Variants in KDM2B observed in about 807,000 individuals in gnomAD.
KDM2B encodes the protein lysine-specific demethylase 2B.
In KDM2B, 26 loss-of-function variants were observed where a neutral mutation model predicts 150.0. That is an observed-to-expected ratio of 0.17 (90% confidence interval 0.13 to 0.24). The LOEUF is 0.24. KDM2B is among the 10% of genes least tolerant of loss of function. The pLI is 1.00. For missense variants in KDM2B, 1,265 were observed against 1,816.9 expected, an observed-to-expected ratio of 0.70 and a Z score of 5.52; for synonymous variants, 734 against 729.5, an observed-to-expected ratio of 1.01 and a Z score of -0.10.
At chr12:121,445,167 C>T in intron 14 of KDM2B, 108 bp downstream of exon 14, 4 of 1,326,436 alleles carry the variant, frequency 3.0e-6, no homozygotes, top group Middle Eastern at 1.9e-4. Flanking sequence ...ACTCAGGGGT[C>T]CTCCAGGAAT....
chr12:121,506,392 C>T (rs1885072484), intron 11 of KDM2B, among the ~76,000 whole-genome samples: 1 of 152,244 alleles, frequency 6.6e-6, no homozygotes, highest in South Asian at 2.1e-4. Flanking sequence ...ATGGCACCCA[C>T]GTCCCCCAGG....
chr12:121,457,531 G>C (rs1878452235), intron 12 of KDM2B, among the ~76,000 whole-genome samples: 1 of 151,906 alleles, frequency 6.6e-6, no homozygotes, highest in Admixed American at 6.6e-5. Context: ...TGAAGTGCTG[G>C]GGTTACAGGC....
intron 1 of KDM2B, among the ~76,000 whole-genome samples, chr12:121,579,149 C>T (rs1891739160): frequency 6.6e-6 from 1 of 152,278 alleles, no homozygotes; most frequent in Non-Finnish European, 1.5e-5. Flanking sequence ...TCCAGCTGCG[C>T]TCTACGCGGG....
chr12:121,431,600 A>T (rs149838611), intron 22 of KDM2B, among the ~76,000 whole-genome samples: 76 of 152,290 alleles, frequency 5.0e-4, no homozygotes, highest in African/African-American at 1.8e-3. Flanking sequence ...AAATCCCTGC[A>T]AGCCAGGAGG....
intron 7 of KDM2B, among the ~76,000 whole-genome samples, chr12:121,534,214 T>C (rs1887904974): frequency 6.6e-6 from 1 of 151,690 alleles, no homozygotes; most frequent in African/African-American, 2.4e-5. Flanking sequence ...CAGGGCGTGG[T>C]AGCAGGCACT....
Position 121,452,202 on chromosome 12 carries a change from T to C in KDM2B, c.1959+918A>G, listed in dbSNP as rs1877402804. ...GGTATGGAGTTTCAGTTTTGCAAAATGAAAAAGTTCTAGGGATCAGCTTCC... is the reference window on the plus strand; with the variant it reads ...GGTATGGAGTTTCAGTTTTGCAAAACGAAAAAGTTCTAGGGATCAGCTTCC... On this transcript the variant is annotated intron_variant, in intron 13 of 22. Coordinates refer to ENST00000377071, the MANE Select transcript of KDM2B (RefSeq NM_032590.5). This position sits in a 1 kb window ranked among gnomAD's most constrained non-coding sequence, Gnocchi z 4.4. Among the ~76,000 whole-genome samples, 1 of 152,066 alleles carries C rather than the reference T, an allele frequency of 6.6e-6. No individual in the cohort carries two copies. The highest frequency in any genetic ancestry group is 1.5e-5 in the Non-Finnish European group (1 of 68,002).
downstream of KDM2B, among the ~76,000 whole-genome samples, chr12:121,427,774 G>A (rs1872581824): frequency 6.6e-6 from 1 of 152,152 alleles, no homozygotes; most frequent in South Asian, 2.1e-4. Flanking sequence ...GGAACCCTTA[G>A]AGGAGAAACA....
chr12:121,493,651 G>GT (rs1555300329), intron 12 of KDM2B, among the ~76,000 whole-genome samples: 1 of 152,080 alleles, frequency 6.6e-6, no homozygotes, highest in Non-Finnish European at 1.5e-5. Flanking sequence ...CCTAACGGGT[G>GT]ACTTGACCTT....
intron 4 of KDM2B, among the ~76,000 whole-genome samples, chr12:121,571,903 G>A (rs1323620193): frequency 2.7e-5 from 4 of 150,860 alleles, no homozygotes; most frequent in South Asian, 2.1e-4. Flanking sequence ...CGCCCGCGTC[G>A]GCCTCCCAAA....
intron 12 of KDM2B, among the ~76,000 whole-genome samples, chr12:121,454,079 GGCT>G (rs146503551): frequency 0.026 from 3,848 of 150,220 alleles, 150 homozygotes; most frequent in East Asian, 0.079. Flanking sequence ...TCAGTTTACA[GGCT>G]GCTTTCTTCT....
At chr12:121,446,296 A>G (rs1021269481) in intron 13 of KDM2B, among the ~76,000 whole-genome samples, 101 of 152,226 alleles carry the variant, frequency 6.6e-4, no homozygotes, top group African/African-American at 2.2e-3. Context: ...TACTCGGGAG[A>G]CTGAGGCAGG....
chr12:121,447,857 A>G (rs1232779165), intron 13 of KDM2B, among the ~76,000 whole-genome samples: 3 of 151,866 alleles, frequency 2.0e-5, no homozygotes, highest in East Asian at 3.9e-4. Context: ...GGGTTTCACC[A>G]TGTTGGCCAG....
chr12:121,572,137 G>A lies in KDM2B; in HGVS notation c.397+2410C>T, dbSNP rs1891144668. Among the ~76,000 whole-genome samples the A allele has an allele frequency of 2.0e-5, 3 of 152,268 alleles. No homozygotes were observed. In the South Asian group the frequency reaches 6.2e-4, roughly 32 times the overall value. ...CGCTTAGGCCCAGGAGTTGCAGGCT[G>A]TAGTGAGTCATAATCACGCCGCTGC... is the stretch of plus-strand genomic sequence containing the variant. On this transcript the variant is annotated intron_variant, in intron 4 of 22. Transcript: ENST00000377071.
chr12:121,477,776 C>T (rs1881552340), intron 12 of KDM2B, among the ~76,000 whole-genome samples: 1 of 152,078 alleles, frequency 6.6e-6, no homozygotes, highest in Non-Finnish European at 1.5e-5. Context: ...CAAAGTTTCA[C>T]CATGTTGGCC....
chr12:121,420,333 G>C, the KDM2B span: 19 of 1,561,014 alleles, frequency 1.2e-5, no homozygotes, highest in Non-Finnish European at 1.6e-5. Context: ...GCAGAGGATC[G>C]GGTGAGGCCA....
intron 9 of KDM2B, chr12:121,516,753 G>A: frequency 1.5e-6 from 1 of 655,882 alleles, no homozygotes; most frequent in Non-Finnish European, 2.7e-6. Flanking sequence ...AGTGACCTCA[G>A]GAGATGACAA....
rs1885781319 is a variant in KDM2B, at chr12:121,513,652, T to C, written c.1048-250A>G. Among the ~76,000 whole-genome samples the C allele has an allele frequency of 2.0e-5, 3 of 151,856 alleles. No individual in the cohort carries two copies. In the South Asian group the frequency reaches 6.2e-4, roughly 32 times the overall value. On this transcript the variant is annotated intron_variant, in intron 9 of 22. Coordinates refer to ENST00000377071, the MANE Select transcript of KDM2B (RefSeq NM_032590.5). This position sits in a 1 kb window ranked among gnomAD's most constrained non-coding sequence, Gnocchi z 5.0. ...GTCCCTGAGCTGCACGCCCCAGAGGTTGGATGGGGGCCACTTGATGCTCCC... is the reference window on the plus strand; with the variant it reads ...GTCCCTGAGCTGCACGCCCCAGAGGCTGGATGGGGGCCACTTGATGCTCCC...
rs1874708541 is a variant in KDM2B, at chr12:121,440,035, C to G, written c.3651G>C (p.Glu1217Asp). 4 of 1,613,048 alleles carry G rather than the reference C, an allele frequency of 2.5e-6. No homozygotes were observed. Among genetic ancestry groups the G allele is most frequent in the African/African-American group, 1.3e-5 (1 of 75,062 alleles). The stretch of plus-strand genomic sequence containing the variant: ...TGATGTCCAGGCCTGCCAGGCGCAG[C>G]TCCACGATGTTCCGGAGCTTGCTCC... ...DNRSKLRNIV[E>D]LRLAGLDITD... Residue 1217 changes from glutamate to aspartate, a missense_variant, in exon 22 of 23, where the codon GAG becomes GAC. This residue lies in a region of KDM2B where 251 missense variants were observed against 397.8 expected (regional missense o/e 0.63). Transcript: ENST00000377071.
At chr12:121,483,287 A>C (rs1882360867) in intron 12 of KDM2B, among the ~76,000 whole-genome samples, 1 of 151,938 alleles carries the variant, frequency 6.6e-6, no homozygotes, top group Non-Finnish European at 1.5e-5. Flanking sequence ...AATATAAAAA[A>C]AACACACACC....
Sources: allele counts gnomAD v4.1 joint callset (sites outside exome capture counted in the v4.1 genomes callset), GRCh38; gene constraint gnomAD v4.1.1; regional missense constraint gnomAD v4.1.1; non-coding constraint Gnocchi (gnomAD v3.1); transcripts MANE v1.5; gene names NCBI Gene and HGNC (gene_info 2026-07-23, HGNC 2026-07-21).